Variants in CFAP73 observed in about 807,000 individuals in gnomAD.
CFAP73 encodes the protein cilia- and flagella-associated protein 73.
CFAP73 carries 33 observed loss-of-function variants against 42.9 expected under a neutral mutation model. The ratio of observed to expected loss-of-function variants is 0.77; its 90% CI spans 0.58 to 1.03. The LOEUF is 1.03. CFAP73 is among the 50% of genes least tolerant of loss of function. The pLI is 0.00. For synonymous variants in CFAP73, 162 were observed against 186.8 expected (o/e 0.87, Z 1.08); for missense variants, 392 against 411.9 (o/e 0.95, Z 0.42).
intron 7 of CFAP73, 29 bp downstream of exon 7, chr12:113,157,719 A>T: frequency 2.0e-6 from 3 of 1,493,288 alleles, no homozygotes; most frequent in South Asian, 2.4e-5. Flanking sequence ...AACCCCTGAG[A>T]GACCCTGAGA....
chr12:113,150,640 G>T (rs898864815), intron 1 of CFAP73, among the ~76,000 whole-genome samples: 1 of 151,956 alleles, frequency 6.6e-6, no homozygotes, highest in Non-Finnish European at 1.5e-5. Context: ...GGAATATCCC[G>T]TGGCCCCACC....
rs977035257 is a variant in CFAP73, at chr12:113,159,133, G to A, written c.*444G>A. The stretch of plus-strand genomic sequence containing the variant: ...ACCTGCTGGGACAGGGATTCAGGGA[G>A]CTCAGCTGTTGGGATCACTCCCAAG... On this transcript the variant is annotated 3_prime_UTR_variant, in exon 8 of 8. Coordinates refer to ENST00000335621, the MANE Select transcript of CFAP73 (RefSeq NM_001144872.3). The A allele has an allele frequency of 1.3e-6, 2 of 1,567,562 alleles. No homozygotes were observed. Among genetic ancestry groups the A allele is most frequent in the East Asian group, 4.6e-5 (2 of 43,288 alleles).
At chr12:113,151,104 TTGTC>T (rs1952057987) in intron 1 of CFAP73, among the ~76,000 whole-genome samples, 1 of 152,140 alleles carries the variant, frequency 6.6e-6, no homozygotes, top group Admixed American at 6.6e-5. Flanking sequence ...ACAGGGATTT[TTGTC>T]TGTCCTGTTT....
chr12:113,157,615 T>C lies in CFAP73; in HGVS notation c.863T>C (p.Met288Thr). ...EGQLEHVKLF[M>T]QDLSAMLAGL... is the part of the protein sequence containing the mutation. Reference sequence around the variant, plus strand: ...GGGCCCCCCCAGGTGAAGCTGTTCATGCAGGACCTCTCTGCCATGCTGGCC... The same window carrying C: ...GGGCCCCCCCAGGTGAAGCTGTTCACGCAGGACCTCTCTGCCATGCTGGCC... Residue 288 changes from methionine (M) to threonine (T), a missense_variant, in exon 7 of 8, where the codon ATG (methionine) becomes ACG (threonine). Met to Thr is a moderately conservative substitution (Grantham distance 81, BLOSUM62 -1). Transcript: ENST00000335621. The C allele has an allele frequency of 6.4e-7, 1 of 1,551,682 alleles. No homozygotes were observed. Among genetic ancestry groups the C allele is most frequent in the Non-Finnish European group, 8.7e-7 (1 of 1,146,986 alleles).
At chr12:113,157,015 G>T (rs1376826238) in intron 6 of CFAP73, among the ~76,000 whole-genome samples, 1 of 152,148 alleles carries the variant, frequency 6.6e-6, no homozygotes, top group Admixed American at 6.5e-5. Context: ...AGCTTCATTT[G>T]TTCATTGCAT....
At chr12:113,155,196 G>A (rs909785293) in intron 5 of CFAP73, 64 bp from the exon 6 acceptor site, 48 of 1,389,000 alleles carry the variant, frequency 3.5e-5, no homozygotes, top group Non-Finnish European at 4.3e-5. Flanking sequence ...AAAGTGGCTG[G>A]GAAGAGGGGG....
intron 3 of CFAP73, 36 bp downstream of exon 3, chr12:113,152,923 T>C: frequency 1.4e-6 from 2 of 1,433,542 alleles, no homozygotes; most frequent in Non-Finnish European, 1.9e-6. Flanking sequence ...GCGGGGCCTA[T>C]GGGTAGCAGC....
chr12:113,159,061 G>C lies in CFAP73; in HGVS notation c.*372G>C. 6.2e-7 allele frequency: 1 copy of C among 1,608,790 alleles called. No homozygotes were observed. Among genetic ancestry groups the C allele is most frequent in the Non-Finnish European group, 8.5e-7 (1 of 1,178,118 alleles). On this transcript the variant is annotated 3_prime_UTR_variant, in exon 8 of 8. Transcript: ENST00000335621. ...GATCTGCTGCTTGGTCTTGAGTTCC[G>C]GGCGGACTCGGCCTGCAGGGGTGCC...
Position 113,152,868 on chromosome 12 carries a change from G to C in CFAP73, c.248G>C (p.Arg83Pro), listed in dbSNP as rs1162551986. ...CGGGAGCTAAAGGGATCGTTCATCC[G>C]CTTTGACAAGTTTTTGCAGGTAGGT... The part of the protein sequence containing the change: ...KERELKGSFI[R>P]FDKFLQDSEA... Residue 83 changes from arginine (R) to proline (P), a missense_variant, in exon 3 of 8, where the codon CGC becomes CCC. Coordinates refer to ENST00000335621, the MANE Select transcript of CFAP73 (RefSeq NM_001144872.3). 3 of 1,551,446 alleles carry C rather than the reference G, an allele frequency of 1.9e-6. No individual in the cohort carries two copies. The African/African-American group carries it at 4.1e-5, about 21-fold the overall frequency.
chr12:113,158,849 A>G lies in CFAP73; in HGVS notation c.*160A>G. 1 of 1,565,164 alleles carries G rather than the reference A, an allele frequency of 6.4e-7. No homozygotes were observed. Among genetic ancestry groups the G allele is most frequent in the African/African-American group, 1.4e-5 (1 of 74,064 alleles). On this transcript the variant is annotated 3_prime_UTR_variant, in exon 8 of 8. Coordinates refer to ENST00000335621, the MANE Select transcript of CFAP73 (RefSeq NM_001144872.3). This position sits in a 1 kb window ranked among gnomAD's most constrained non-coding sequence, Gnocchi z 4.9. The stretch of plus-strand genomic sequence containing the variant: ...GCTGATGCCCACCCTAAGGCCAATC[A>G]AGGAGCCACGGGGCTGGGTCCTGGT...
intron 3 of CFAP73, 67 bp from the exon 4 acceptor site, chr12:113,153,141 G>T (rs930850459): frequency 4.3e-6 from 6 of 1,405,804 alleles, no homozygotes; most frequent in Non-Finnish European, 4.7e-6. Context: ...AGGGCAGGAT[G>T]GAGGTGCCGA....
intron 2 of CFAP73, 61 bp from the exon 3 acceptor site, chr12:113,152,722 T>G: frequency 8.2e-7 from 1 of 1,221,370 alleles, no homozygotes. Flanking sequence ...GGTGTGAACC[T>G]GACAGCATGG....
Position 113,153,294 on chromosome 12 carries a change from T to A in CFAP73, c.354T>A (p.Arg118=). 6.6e-7 allele frequency: 1 copy of A among 1,520,704 alleles called. No individual in the cohort carries two copies. The highest frequency in any genetic ancestry group is 8.8e-7 in the Non-Finnish European group (1 of 1,138,970). 94.2% of individuals were successfully genotyped at this position (1,520,704 alleles called of 1,614,324 possible). A position where few individuals can be genotyped will look rare whatever the true frequency, so the allele number is the denominator to read the frequency against. ...GCCGTCGGGAGGTGGAGGCGCTGCG[T>A]CTGTGGACCCAGCTCCAGGAGCTAC... ...QAGRREVEAL[R]LWTQLQELRR... is the part of the protein sequence containing the mutation. The change falls in exon 4 of 8, where the codon CGT becomes CGA. Residue 118 remains arginine (R), a synonymous_variant. Transcript: ENST00000335621.
rs1952097615 is a variant in CFAP73, at chr12:113,154,459, G to GTCGA, written c.514_515insTCGA (p.Glu172ValfsTer132). 2 of 1,546,444 alleles carry GTCGA rather than the reference G, an allele frequency of 1.3e-6. No individual in the cohort carries two copies. The highest frequency in any genetic ancestry group is 2.4e-5 in the South Asian group (2 of 83,954). ...GGTGGCGCGCTTCGACGGCCTGGCC[G>GTCGA]AGACGCAGGCGGCGCTGAGGCTCAG... On this transcript the variant is annotated frameshift_variant, in exon 5 of 8. Transcript: ENST00000335621. LOFTEE classifies it high-confidence loss of function. The surrounding 1 kb of genome is among the most constrained non-coding windows in gnomAD (Gnocchi z 4.7).
chr12:113,150,134 G>C (rs1417233718), intron 1 of CFAP73, among the ~76,000 whole-genome samples: 1 of 152,102 alleles, frequency 6.6e-6, no homozygotes, highest in Non-Finnish European at 1.5e-5. Context: ...CTGACATCCG[G>C]CTGAGATTAA....
At chr12:113,149,999 C>A in intron 1 of CFAP73, 86 bp downstream of exon 1, 1 of 1,369,588 alleles carries the variant, frequency 7.3e-7, no homozygotes, top group South Asian at 1.3e-5. Flanking sequence ...CCTCCTGGGT[C>A]CTGGCTTTGG....
intron 7 of CFAP73, 145 bp downstream of exon 7, chr12:113,157,835 C>T: frequency 1.5e-6 from 1 of 663,610 alleles, no homozygotes; most frequent in South Asian, 1.8e-5. Flanking sequence ...GTGCTGTGGG[C>T]CTGCCATGAG....
chr12:113,154,847 G>A lies in CFAP73; in HGVS notation c.690+212G>A, dbSNP rs1952102848. 6.6e-6 allele frequency among the ~76,000 whole-genome samples: 1 copy of A among 152,230 alleles called. No individual in the cohort carries two copies. Among genetic ancestry groups the A allele is most frequent in the Admixed American group, 6.5e-5 (1 of 15,286 alleles). On this transcript the variant is annotated intron_variant, in intron 5 of 7. Coordinates refer to ENST00000335621, the MANE Select transcript of CFAP73 (RefSeq NM_001144872.3). The surrounding 1 kb of genome is among the most constrained non-coding windows in gnomAD (Gnocchi z 4.7). Reference sequence around the variant, plus strand: ...CAAGGCTCCTGCACCCCACTCCCGAGAGCACCTGACTGCCTGACTGGCAGA... The same window carrying A: ...CAAGGCTCCTGCACCCCACTCCCGAAAGCACCTGACTGCCTGACTGGCAGA...
Position 113,159,250 on chromosome 12 carries a change from T to C in CFAP73, c.*561T>C. 1 of 969,060 alleles carries C rather than the reference T, an allele frequency of 1.0e-6. No individual in the cohort carries two copies. Among genetic ancestry groups the C allele is most frequent in the South Asian group, 1.8e-5 (1 of 54,772 alleles). The allele number at this position is 969,060 out of a possible 1,614,324, so 60.0% of individuals were successfully genotyped here. A position where few individuals can be genotyped will look rare whatever the true frequency, so the allele number is the denominator to read the frequency against. On this transcript the variant is annotated 3_prime_UTR_variant, in exon 8 of 8. Transcript: ENST00000335621. ...TGGCCCAGTGTCTGTACACAGTAGG[T>C]GGCTAATAAAGTTTTAGGCAGCCTC...
Sources: gnomAD v4.1 joint callset for allele counts (sites outside exome capture counted in the v4.1 genomes callset) on GRCh38, gnomAD v4.1.1 for gene constraint, Gnocchi (gnomAD v3.1) non-coding constraint, MANE v1.5 for transcripts, NCBI Gene and HGNC (gene_info 2026-07-23, HGNC 2026-07-21) for gene names.